The following CFAP20DC variants were observed in gnomAD, a reference collection of about 807,000 sequenced individuals.
CFAP20DC encodes the protein CFAP20 domain containing.
Under a neutral mutation model 101.7 loss-of-function variants are expected in CFAP20DC, and 84 were observed. That is an observed-to-expected ratio of 0.83 (90% CI 0.69 to 0.99). The LOEUF (loss-of-function observed/expected upper bound fraction) is 0.99, where lower values mean the gene tolerates loss of function less well. Ranked by LOEUF, CFAP20DC falls within the 50% of genes least tolerant of loss-of-function variation. CFAP20DC has a pLI of 0.00. For synonymous variants in CFAP20DC, 359 were observed against 351.2 expected, an observed-to-expected ratio of 1.02 and a Z score of -0.25; for missense variants, 1,007 against 970.3, an observed-to-expected ratio of 1.04 and a Z score of -0.50.
chr3:59,039,704 C>A, intron 3 of CFAP20DC, 75 bp from the exon 4 acceptor site: 10 of 886,074 alleles, frequency 1.1e-5, no homozygotes, highest in Non-Finnish European at 1.5e-5. Flanking sequence ...CAATCACAAA[C>A]CACGAACAAG....
intron 4 of CFAP20DC, among the ~76,000 whole-genome samples, chr3:59,026,516 T>C (rs1371896532): frequency 6.6e-6 from 1 of 151,958 alleles, no homozygotes; most frequent in Non-Finnish European, 1.5e-5. Context: ...ACAGGAAGAG[T>C]TGTGCATAGT....
Position 58,937,671 on chromosome 3 carries a change from G to C in CFAP20DC, c.370C>G (p.Leu124Val), listed in dbSNP as rs890281294. 1.9e-6 allele frequency: 3 copies of C among 1,607,284 alleles called. No individual in the cohort carries two copies. In the African/African-American group the frequency reaches 4.0e-5, roughly 22 times the overall value. Residue 124 changes from leucine (L) to valine (V), a missense_variant, in exon 5 of 17, where the codon CTC becomes GTC. Leu to Val is a conservative substitution (Grantham distance 32). Transcript: ENST00000482387. ...ACAATTTTACGTTTGATCATGAAGA[G>C]TGGAATTTTTGCATGAAGAGGGGTG... ...SSTPLHAKIP[L>V]FMIKRKIWCN...
At chr3:58,831,483 G>A (rs6798589) in intron 14 of CFAP20DC, among the ~76,000 whole-genome samples, 5,810 of 152,214 alleles carry the variant, frequency 0.038, 143 homozygotes, top group African/African-American at 0.075. Context: ...ATTTTCTGAA[G>A]GTAAATAAGA....
intron 4 of CFAP20DC, among the ~76,000 whole-genome samples, chr3:58,959,675 T>C (rs535842514): frequency 6.6e-6 from 1 of 152,354 alleles, no homozygotes; most frequent in African/African-American, 2.4e-5. Context: ...AGCTTTACAG[T>C]AAATTCTGGA....
chr3:59,044,344 T>A (rs1699667637), intron 3 of CFAP20DC, among the ~76,000 whole-genome samples: 1 of 152,174 alleles, frequency 6.6e-6, no homozygotes, highest in Non-Finnish European at 1.5e-5. Context: ...TAGCTATAAA[T>A]TTCTGTTATC....
At chr3:58,952,349 T>C (rs1329216134) in intron 4 of CFAP20DC, among the ~76,000 whole-genome samples, 2 of 152,188 alleles carry the variant, frequency 1.3e-5, no homozygotes, top group African/African-American at 4.8e-5. Context: ...TCCTACTCCA[T>C]CCCACCCTGG....
chr3:58,985,177 C>T (rs1395506870), intron 4 of CFAP20DC, among the ~76,000 whole-genome samples: 1 of 152,200 alleles, frequency 6.6e-6, no homozygotes, highest in African/African-American at 2.4e-5. Context: ...ATCCTCCTGC[C>T]TTGGCCTCCC....
chr3:59,033,334 G>A (rs998714587), intron 4 of CFAP20DC, among the ~76,000 whole-genome samples: 3 of 152,110 alleles, frequency 2.0e-5, no homozygotes, highest in African/African-American at 7.2e-5. Context: ...GAATAAAACT[G>A]GATGGAGAAT....
chr3:58,959,649 C>G (rs2090963276), intron 4 of CFAP20DC, among the ~76,000 whole-genome samples: 1 of 152,156 alleles, frequency 6.6e-6, no homozygotes, highest in African/African-American at 2.4e-5. Context: ...CAGTAACATA[C>G]TAACTTGATT....
intron 15 of CFAP20DC, among the ~76,000 whole-genome samples, chr3:58,773,698 A>G (rs1044563085): frequency 2.0e-5 from 3 of 152,244 alleles, no homozygotes; most frequent in Non-Finnish European, 4.4e-5. Context: ...TGCTATAGAT[A>G]TGACTAAAAC....
rs1001048317 is a variant in CFAP20DC, at chr3:58,868,082, T to C, written c.1016-146A>G. 41 of 957,042 alleles carry C rather than the reference T, an allele frequency of 4.3e-5. No individual in the cohort carries two copies. The highest frequency in any genetic ancestry group is 3.3e-5 in the Admixed American group (1 of 30,160). The allele number at this position is 957,042 out of a possible 1,614,324, so 59.3% of individuals were successfully genotyped here. On this transcript the variant is annotated intron_variant, in intron 9 of 16. Transcript: ENST00000482387. The surrounding 1 kb of genome is among the most constrained non-coding windows in gnomAD (Gnocchi z 4.6). ...AAGATACATCAAAAATACAACTTCA[T>C]AGAAAATAGGCATTTATTCCTATTC... is the stretch of plus-strand genomic sequence containing the variant.
intron 5 of CFAP20DC, among the ~76,000 whole-genome samples, chr3:58,931,589 G>A (rs547683971): frequency 1.1e-4 from 17 of 152,280 alleles, no homozygotes; most frequent in Admixed American, 3.9e-4. Flanking sequence ...CCAGAGGAAC[G>A]ATCAGACAGC....
chr3:58,955,937 TG>T (rs1576474455), intron 4 of CFAP20DC, among the ~76,000 whole-genome samples: 3 of 151,390 alleles, frequency 2.0e-5, no homozygotes, highest in East Asian at 4.0e-4. Flanking sequence ...AGACACACTC[TG>T]GGCCAGAAGG....
chr3:58,898,984 T>C (rs912056286), intron 6 of CFAP20DC, among the ~76,000 whole-genome samples: 5 of 152,138 alleles, frequency 3.3e-5, no homozygotes, highest in African/African-American at 1.2e-4. Context: ...AGACCCTAGT[T>C]GCCTTGTCTT....
At chr3:58,807,176 C>G (rs994912202) in intron 14 of CFAP20DC, among the ~76,000 whole-genome samples, 1 of 152,216 alleles carries the variant, frequency 6.6e-6, no homozygotes, top group Admixed American at 6.5e-5. Flanking sequence ...CCTCTGCAGA[C>G]GTAAGTGTCC....
At chr3:58,716,264 C>G (rs950870181), downstream of CFAP20DC, among the ~76,000 whole-genome samples, 2 of 149,228 alleles carry the variant, frequency 1.3e-5, no homozygotes, top group African/African-American at 4.9e-5. Flanking sequence ...CGGGTTCACG[C>G]CATTCTCCTG....
Position 58,717,685 on chromosome 3 carries a change from C to T in CFAP20DC, c.198-57G>A. The T allele has an allele frequency of 2.4e-6, 1 of 423,212 alleles. No homozygotes were observed. Among genetic ancestry groups the T allele is most frequent in the Admixed American group, 3.0e-5 (1 of 33,778 alleles). 26.2% of individuals were successfully genotyped at this position (423,212 alleles called of 1,614,324 possible). ...AAAAAAAAAGAAAAAAGGTACATGC[C>T]TTTTATTCTGGGTCTGTCCATTGTT... On this transcript the variant is annotated intron_variant, in intron 3 of 3. Transcript: ENST00000486145. This position sits in a 1 kb window ranked among gnomAD's most constrained non-coding sequence, Gnocchi z 4.1.
chr3:59,047,830 G>A (rs1433379296), intron 1 of CFAP20DC, among the ~76,000 whole-genome samples: 1 of 152,132 alleles, frequency 6.6e-6, no homozygotes, highest in Non-Finnish European at 1.5e-5. Flanking sequence ...CACAGCAGGG[G>A]CTCAACAGCA....
chr3:58,876,179 T>C (rs1307204183), intron 7 of CFAP20DC, among the ~76,000 whole-genome samples: 5 of 152,158 alleles, frequency 3.3e-5, no homozygotes, highest in Non-Finnish European at 7.4e-5. Flanking sequence ...AACTTGTTAT[T>C]ATAATGAACA....
Sources: allele counts gnomAD v4.1 joint callset (sites outside exome capture counted in the v4.1 genomes callset), GRCh38; gene constraint gnomAD v4.1.1; non-coding constraint Gnocchi (gnomAD v3.1); transcripts MANE v1.5; gene names NCBI Gene and HGNC (gene_info 2026-07-23, HGNC 2026-07-21).